OR2L13: variants seen among roughly 807,000 people sequenced by gnomAD.
OR2L13 encodes the protein olfactory receptor 2L13.
In OR2L13, 14 loss-of-function variants were observed where a neutral mutation model predicts 15.3. The ratio of observed to expected loss-of-function variants is 0.91; its 90% CI spans 0.60 to 1.43. The LOEUF (loss-of-function observed/expected upper bound fraction) is 1.43. OR2L13 is among the 40% of genes most tolerant of loss of function. The pLI, the probability that OR2L13 is intolerant of heterozygous loss-of-function variation, is 0.00. For missense variants in OR2L13, 367 were observed against 387.9 expected (o/e 0.95, Z 0.45); for synonymous variants, 152 against 142.9 (o/e 1.06, Z -0.45).
chr1:247,999,675 C>T, the OR2L13 span, among the ~76,000 whole-genome samples: 11 of 152,138 alleles, frequency 7.2e-5, no homozygotes, highest in Admixed American at 6.5e-4. Flanking sequence ...TGTGGAGAGC[C>T]ATCCTTGTCT....
chr1:247,953,781 A>G, the OR2L13 span, among the ~76,000 whole-genome samples: 131 of 152,284 alleles, frequency 8.6e-4, no homozygotes, highest in African/African-American at 3.0e-3. Context: ...GGAATATAAA[A>G]TAGCCCTTAT....
At chr1:247,968,476 T>C in the OR2L13 span, among the ~76,000 whole-genome samples, 1 of 152,106 alleles carries the variant, frequency 6.6e-6, no homozygotes. Context: ...ATATTTCTCC[T>C]AGTGCTATCC....
the OR2L13 span, chr1:247,965,805 C>T: frequency 1.2e-6 from 2 of 1,608,394 alleles, no homozygotes; most frequent in African/African-American, 2.7e-5. Context: ...TCTGCTGCCT[C>T]ATGGTTGCAT....
chr1:247,948,775 A>T, the OR2L13 span: 10 of 1,144,376 alleles, frequency 8.7e-6, no homozygotes, highest in African/African-American at 1.5e-4. Flanking sequence ...GGGGCTTGGA[A>T]TGCATCCCCT....
At chr1:247,976,571 T>C in the OR2L13 span, among the ~76,000 whole-genome samples, 1 of 152,218 alleles carries the variant, frequency 6.6e-6, no homozygotes, top group African/African-American at 2.4e-5. Flanking sequence ...TTTCAACATG[T>C]AGTTGGATGT....
chr1:247,963,255 C>G, the OR2L13 span, among the ~76,000 whole-genome samples: 2 of 152,134 alleles, frequency 1.3e-5, no homozygotes, highest in South Asian at 2.1e-4. Flanking sequence ...GTTCCAGGAA[C>G]GGAGGGGTCC....
chr1:247,971,954 G>T, the OR2L13 span, among the ~76,000 whole-genome samples: 47 of 152,114 alleles, frequency 3.1e-4, 1 homozygote, highest in African/African-American at 9.7e-5. Flanking sequence ...TAGAACTCAG[G>T]GTTAAGGGAC....
the OR2L13 span, chr1:247,949,258 G>T: frequency 1.1e-3 from 1,845 of 1,614,124 alleles, 18 homozygotes; most frequent in Non-Finnish European, 4.5e-4. Flanking sequence ...TATCTCATCC[G>T]CATGAGCAAA....
chr1:248,029,656 T>C, the OR2L13 span, among the ~76,000 whole-genome samples: 1 of 152,204 alleles, frequency 6.6e-6, no homozygotes, highest in Non-Finnish European at 1.5e-5. Flanking sequence ...TATGTGGTTT[T>C]ATTAAATTAA....
At chr1:248,006,121 G>A in the OR2L13 span, among the ~76,000 whole-genome samples, 21 of 152,134 alleles carry the variant, frequency 1.4e-4, no homozygotes, top group Admixed American at 2.6e-4. Flanking sequence ...TCTCTTCCCC[G>A]TTAGGGACAA....
At chr1:248,089,421 A>T in the OR2L13 span, among the ~76,000 whole-genome samples, 2 of 151,876 alleles carry the variant, frequency 1.3e-5, no homozygotes, top group African/African-American at 4.8e-5. Flanking sequence ...TCCAGCCCCC[A>T]CCTCCCCAGA....
chr1:248,074,725 G>A, the OR2L13 span, among the ~76,000 whole-genome samples: 1 of 151,982 alleles, frequency 6.6e-6, no homozygotes, highest in African/African-American at 2.4e-5. Context: ...CCTATTGGGT[G>A]GTATGCTCAC....
At chr1:247,969,100 G>C in the OR2L13 span, among the ~76,000 whole-genome samples, 2 of 152,156 alleles carry the variant, frequency 1.3e-5, no homozygotes, top group Non-Finnish European at 2.9e-5. Context: ...GACCAGTGAT[G>C]ATGAGCATTT....
chr1:247,940,567 G>A, the OR2L13 span, among the ~76,000 whole-genome samples: 3 of 151,912 alleles, frequency 2.0e-5, no homozygotes, highest in African/African-American at 4.8e-5. Flanking sequence ...CAAAGTTTTG[G>A]GTTGAATTTA....
the OR2L13 span, among the ~76,000 whole-genome samples, chr1:248,005,429 A>T: frequency 6.6e-6 from 1 of 152,018 alleles, no homozygotes; most frequent in African/African-American, 2.4e-5. Context: ...TGCCAGTACC[A>T]TTCTGTTTTG....
At chr1:248,021,379 C>CA in the OR2L13 span, among the ~76,000 whole-genome samples, 1 of 152,088 alleles carries the variant, frequency 6.6e-6, no homozygotes, top group Non-Finnish European at 1.5e-5. Flanking sequence ...TTTTTAAAAA[C>CA]AATTGGCTTA....
chr1:248,075,025 C>T, the OR2L13 span, among the ~76,000 whole-genome samples: 1 of 152,022 alleles, frequency 6.6e-6, no homozygotes, highest in East Asian at 1.9e-4. Context: ...CTCCCCCAGA[C>T]CCCCAGCCCC....
the OR2L13 span, among the ~76,000 whole-genome samples, chr1:247,967,894 TTCCTCG>T: frequency 2.1e-4 from 32 of 151,290 alleles, no homozygotes; most frequent in Admixed American, 5.3e-4. Flanking sequence ...TTCCTCCTCC[TTCCTCG>T]TCCTCTTCCT....
At chr1:247,991,520 C>A in the OR2L13 span, among the ~76,000 whole-genome samples, 1 of 149,004 alleles carries the variant, frequency 6.7e-6, no homozygotes, top group Non-Finnish European at 1.5e-5. Context: ...ACAAGAGTTT[C>A]CCTATAAGAG....
Sources: gnomAD v4.1 joint callset for allele counts (sites outside exome capture counted in the v4.1 genomes callset) on GRCh38, gnomAD v4.1.1 for gene constraint, MANE v1.5 for transcripts, NCBI Gene and HGNC (gene_info 2026-07-23, HGNC 2026-07-21) for gene names.